Variants in AIM2 observed in about 807,000 individuals in gnomAD.
AIM2 encodes absent in melanoma 2.
Under a neutral mutation model 27.7 loss-of-function variants are expected in AIM2, and 30 were observed. That is an observed-to-expected ratio of 1.08 (90% CI 0.81 to 1.47). The LOEUF is 1.47. Ranked by LOEUF, AIM2 falls within the 40% of genes most tolerant of loss-of-function variation. The pLI is 0.00. For synonymous variants in AIM2, 141 were observed against 145.3 expected (o/e 0.97, Z 0.21); for missense variants, 358 against 411.3 (o/e 0.87, Z 1.12).
At chr1:159,074,682 C>G (rs985022476) in intron 1 of AIM2, among the ~76,000 whole-genome samples, 2 of 151,874 alleles carry the variant, frequency 1.3e-5, no homozygotes, top group East Asian at 3.9e-4. Flanking sequence ...TATTTTAGTA[C>G]CACTCCAAGA....
At chr1:159,113,629 A>C (rs1403982016) in intron 1 of AIM2, among the ~76,000 whole-genome samples, 1 of 152,110 alleles carries the variant, frequency 6.6e-6, no homozygotes, top group African/African-American at 2.4e-5. Context: ...CATCACAGAA[A>C]CCCATAATTA....
chr1:159,102,028 G>A (rs1557904817), intron 1 of AIM2, among the ~76,000 whole-genome samples: 2 of 152,164 alleles, frequency 1.3e-5, no homozygotes, highest in South Asian at 2.1e-4. Flanking sequence ...GACCTACACA[G>A]CAGCCCCTCC....
the AIM2 span, among the ~76,000 whole-genome samples, chr1:159,056,737 A>AAC: frequency 2.1e-5 from 3 of 144,596 alleles, no homozygotes; most frequent in Admixed American, 6.9e-5. Context: ...AAAAAAAAAA[A>AAC]AAAAAAAAAA....
At chr1:159,126,715 G>A (rs1185645018) in intron 1 of AIM2, among the ~76,000 whole-genome samples, 2 of 150,868 alleles carry the variant, frequency 1.3e-5, no homozygotes, top group African/African-American at 2.4e-5. Context: ...TGGTGAAACC[G>A]AACAGGAATA....
chr1:159,132,505 G>A (rs1391317674), intron 1 of AIM2: 1 of 152,174 alleles, frequency 6.6e-6, no homozygotes, highest in Non-Finnish European at 1.5e-5. Flanking sequence ...CAATGAATGT[G>A]AAAAAGAACG....
At chr1:159,108,551 G>A (rs1657502094) in intron 1 of AIM2, among the ~76,000 whole-genome samples, 3 of 152,118 alleles carry the variant, frequency 2.0e-5, no homozygotes, top group Non-Finnish European at 4.4e-5. Flanking sequence ...AGAGCAATCA[G>A]ACAAGAGAAA....
intron 1 of AIM2, among the ~76,000 whole-genome samples, chr1:159,129,548 G>A (rs1305986346): frequency 6.6e-6 from 1 of 152,102 alleles, no homozygotes; most frequent in East Asian, 1.9e-4. Flanking sequence ...CACTTACTAT[G>A]TGATGTTGGT....
At chr1:159,081,219 C>A, upstream of AIM2, 2 of 214,984 alleles carry the variant, frequency 9.3e-6, no homozygotes, top group South Asian at 8.9e-5. Context: ...AAAAATATAC[C>A]ATAATGAAAG....
At chr1:159,133,497 C>G (rs948351678) in intron 1 of AIM2, among the ~76,000 whole-genome samples, 1 of 152,164 alleles carries the variant, frequency 6.6e-6, no homozygotes. Flanking sequence ...CTAAAAGTTG[C>G]CTATATGCAT....
intron 1 of AIM2, among the ~76,000 whole-genome samples, chr1:159,145,523 T>TA (rs1358803493): frequency 6.6e-6 from 1 of 152,024 alleles, no homozygotes; most frequent in Non-Finnish European, 1.5e-5. Flanking sequence ...GAAAGACAAA[T>TA]ACGGAGCAAA....
chr1:159,103,810 T>G (rs1657366214), intron 1 of AIM2, among the ~76,000 whole-genome samples: 1 of 151,936 alleles, frequency 6.6e-6, no homozygotes, highest in Non-Finnish European at 1.5e-5. Context: ...CTAGGGGGAG[T>G]TTTCTCCTTT....
chr1:159,100,960 A>C (rs1335036280), intron 1 of AIM2, among the ~76,000 whole-genome samples: 1 of 152,218 alleles, frequency 6.6e-6, no homozygotes, highest in Non-Finnish European at 1.5e-5. Context: ...CCCCAGGCTG[A>C]AGTGTAGATT....
intron 1 of AIM2, among the ~76,000 whole-genome samples, chr1:159,103,050 A>G (rs1005087139): frequency 6.6e-6 from 1 of 152,174 alleles, no homozygotes. Flanking sequence ...TTAAATTGTA[A>G]TAATTCCCAC....
intron 1 of AIM2, among the ~76,000 whole-genome samples, chr1:159,125,460 T>G (rs1245147096): frequency 6.6e-6 from 1 of 152,192 alleles, no homozygotes; most frequent in Non-Finnish European, 1.5e-5. Flanking sequence ...ACTGTTATAT[T>G]TTAATCTAAA....
At chr1:159,063,749 C>G in intron 4 of AIM2, 75 bp from the exon 5 acceptor site, 1 of 1,407,492 alleles carries the variant, frequency 7.1e-7, no homozygotes, top group African/African-American at 1.4e-5. Flanking sequence ...ATCAGACATG[C>G]CAGAAGAAGG....
intron 1 of AIM2, among the ~76,000 whole-genome samples, chr1:159,112,823 T>C (rs1302117302): frequency 6.6e-6 from 1 of 152,020 alleles, no homozygotes; most frequent in Non-Finnish European, 1.5e-5. Context: ...ATTTCTTGAA[T>C]ATGGAGTTTA....
At chr1:159,116,195 C>T (rs918509015) in intron 1 of AIM2, among the ~76,000 whole-genome samples, 2 of 151,950 alleles carry the variant, frequency 1.3e-5, no homozygotes, top group African/African-American at 4.8e-5. Flanking sequence ...AAGTGCTGGA[C>T]AGGATGTGGA....
chr1:159,139,980 G>T (rs745866398), intron 1 of AIM2, among the ~76,000 whole-genome samples: 2 of 152,166 alleles, frequency 1.3e-5, no homozygotes, highest in Non-Finnish European at 2.9e-5. Context: ...TCAGGAAGAT[G>T]TATGCAGTAT....
At chr1:159,137,634 G>C (rs1195769341) in intron 1 of AIM2, among the ~76,000 whole-genome samples, 4 of 152,178 alleles carry the variant, frequency 2.6e-5, no homozygotes, top group African/African-American at 9.7e-5. Context: ...TCCAGCCTGG[G>C]TGACAGAGCG....
Sources: allele counts gnomAD v4.1 joint callset (sites outside exome capture counted in the v4.1 genomes callset), GRCh38; gene constraint gnomAD v4.1.1; transcripts MANE v1.5; gene names NCBI Gene and HGNC (gene_info 2026-07-23, HGNC 2026-07-21).